Variants in ATP9B observed in about 807,000 individuals in gnomAD.
The protein encoded by ATP9B is ATPase phospholipid transporting 9B.
A neutral mutation model predicts 146.1 loss-of-function variants in ATP9B; 110 were observed. The ratio of observed to expected loss-of-function variants is 0.75; its 90% CI spans 0.65 to 0.88. ATP9B has a LOEUF of 0.88. Ranked by LOEUF, ATP9B falls within the 40% of genes least tolerant of loss-of-function variation. The probability of loss-of-function intolerance (pLI) is 0.00; values close to 1 mark genes in which losing one functional copy is unlikely to be tolerated. For missense variants in ATP9B, 1,499 were observed against 1,496.4 expected (o/e 1.00, Z -0.03); for synonymous variants, 604 against 569.7 (o/e 1.06, Z -0.86).
chr18:79,113,343 T>G lies in ATP9B; in HGVS notation c.547T>G (p.Trp183Gly), dbSNP rs1049571360. 7.2e-6 allele frequency: 11 copies of G among 1,533,596 alleles called. No individual in the cohort carries two copies. Among genetic ancestry groups the G allele is most frequent in the Non-Finnish European group, 7.2e-6 (8 of 1,115,250 alleles). The allele number at this position is 1,533,596 out of a possible 1,614,324, so 95.0% of individuals were successfully genotyped here. A position where few individuals can be genotyped will look rare whatever the true frequency, so the allele number is the denominator to read the frequency against. The change falls in exon 4 of 30, where the codon TGG becomes GGG. Residue 183 changes from tryptophan (W) to glycine (G), a missense_variant. Coordinates refer to ENST00000426216, the MANE Select transcript of ATP9B (RefSeq NM_198531.5). ...GAAAATAGGCTATCTCTACACCTAC[T>G]GGGCTCCTCTGGTAAGAAAAGACTT... ...ALKIGYLYTY[W>G]APLGFVLAVT... is the part of the protein sequence containing the mutation.
At chr18:79,076,351 A>AT (rs1568365723) in intron 1 of ATP9B, among the ~76,000 whole-genome samples, 1 of 152,150 alleles carries the variant, frequency 6.6e-6, no homozygotes, top group Non-Finnish European at 1.5e-5. Flanking sequence ...CTGGAAACAA[A>AT]TTCTCTTTGT....
chr18:79,346,903 G>A (rs1260454908), intron 23 of ATP9B, among the ~76,000 whole-genome samples: 7 of 152,230 alleles, frequency 4.6e-5, no homozygotes, highest in Admixed American at 3.3e-4. Context: ...GGAATTGGTC[G>A]GAGTCCCCCG....
chr18:79,354,968 A>G (rs2096942921), intron 25 of ATP9B, among the ~76,000 whole-genome samples: 1 of 152,194 alleles, frequency 6.6e-6, no homozygotes, highest in Non-Finnish European at 1.5e-5. Context: ...CCCCTCCCCA[A>G]AAAGGCAAGT....
At chr18:79,330,765 C>T (rs1471198457) in intron 17 of ATP9B, among the ~76,000 whole-genome samples, 1 of 151,990 alleles carries the variant, frequency 6.6e-6, no homozygotes, top group Non-Finnish European at 1.5e-5. Context: ...TGTGTGAGTG[C>T]GTGTCAATCT....
At chr18:79,143,723 G>A (rs1473145135) in intron 5 of ATP9B, 79 bp from the exon 6 acceptor site, 6 of 895,006 alleles carry the variant, frequency 6.7e-6, no homozygotes, top group Admixed American at 2.8e-5. Context: ...TATTTCTAAA[G>A]TAATTATTTT....
chr18:79,124,964 G>GC (rs962577068), intron 4 of ATP9B, among the ~76,000 whole-genome samples: 17 of 152,336 alleles, frequency 1.1e-4, no homozygotes, highest in African/African-American at 3.8e-4. Context: ...CAGAAAGACA[G>GC]CCAGGAGAAT....
chr18:79,142,269 C>T (rs1356806388), intron 5 of ATP9B, among the ~76,000 whole-genome samples: 1 of 152,018 alleles, frequency 6.6e-6, no homozygotes, highest in Non-Finnish European at 1.5e-5. Context: ...ACTCTCTTAC[C>T]GTGCTACAGA....
chr18:79,238,008 A>G (rs899046309), intron 11 of ATP9B, among the ~76,000 whole-genome samples: 2 of 152,042 alleles, frequency 1.3e-5, no homozygotes, highest in Non-Finnish European at 2.9e-5. Flanking sequence ...TTTTGATGCT[A>G]TTTCAATTAT....
intron 10 of ATP9B, among the ~76,000 whole-genome samples, chr18:79,208,213 C>G (rs974886490): frequency 1.2e-4 from 19 of 152,176 alleles, no homozygotes; most frequent in Non-Finnish European, 8.8e-5. Flanking sequence ...CCACTGCACT[C>G]TAGCCTGGGC....
At chr18:79,355,009 C>T (rs535329705) in intron 25 of ATP9B, among the ~76,000 whole-genome samples, 1 of 152,346 alleles carries the variant, frequency 6.6e-6, no homozygotes, top group Non-Finnish European at 1.5e-5. Flanking sequence ...TCACGAGATG[C>T]AGCGATGCAC....
chr18:79,366,192 C>A (rs1015085849), intron 26 of ATP9B, among the ~76,000 whole-genome samples: 4 of 152,150 alleles, frequency 2.6e-5, no homozygotes, highest in African/African-American at 9.7e-5. Flanking sequence ...AGAGGGTGAC[C>A]GGAGAGGCAT....
intron 11 of ATP9B, among the ~76,000 whole-genome samples, chr18:79,244,007 C>G (rs1357924271): frequency 6.6e-6 from 1 of 152,150 alleles, no homozygotes; most frequent in Non-Finnish European, 1.5e-5. Context: ...TAAAGATAAT[C>G]TAAGTTGGAA....
intron 6 of ATP9B, among the ~76,000 whole-genome samples, chr18:79,147,402 G>C (rs1214599491): frequency 1.3e-5 from 2 of 152,188 alleles, no homozygotes; most frequent in Non-Finnish European, 2.9e-5. Flanking sequence ...TTTATTTCAA[G>C]TGTCTATAGA....
At chr18:79,223,994 AT>A (rs533541432) in intron 11 of ATP9B, among the ~76,000 whole-genome samples, 197 of 152,302 alleles carry the variant, frequency 1.3e-3, no homozygotes, top group Non-Finnish European at 2.4e-3. Context: ...ATTGTAATTG[AT>A]TTCTATCACA....
chr18:79,331,863 A>C lies in ATP9B; in HGVS notation c.2028+1759A>C, dbSNP rs184513950. On this transcript the variant is annotated intron_variant, in intron 17 of 29. Transcript: ENST00000426216. Reference sequence around the variant, plus strand: ...TGAGGTGATTGGCTTCCTTCCCTCTAAACACAAACCTGAGTTGGGCCCTGG... The same window carrying C: ...TGAGGTGATTGGCTTCCTTCCCTCTCAACACAAACCTGAGTTGGGCCCTGG... Among the ~76,000 whole-genome samples, 29 of 152,304 alleles carry C rather than the reference A, an allele frequency of 1.9e-4. No individual in the cohort carries two copies. In the East Asian group the frequency reaches 5.4e-3, roughly 28 times the overall value.
At chr18:79,158,759 C>G (rs897098603) in intron 7 of ATP9B, among the ~76,000 whole-genome samples, 16 of 152,204 alleles carry the variant, frequency 1.1e-4, no homozygotes, top group African/African-American at 3.4e-4. Flanking sequence ...TCCTAACATA[C>G]TGGGTATCCT....
At chr18:79,248,444 A>G (rs2095990373) in intron 11 of ATP9B, among the ~76,000 whole-genome samples, 1 of 152,248 alleles carries the variant, frequency 6.6e-6, no homozygotes, top group South Asian at 2.1e-4. Context: ...GATACTTAAA[A>G]GAATATGCTT....
intron 9 of ATP9B, among the ~76,000 whole-genome samples, chr18:79,196,007 C>T (rs192684217): frequency 2.0e-5 from 3 of 152,294 alleles, no homozygotes; most frequent in Admixed American, 6.5e-5. Context: ...AACTCCAAGA[C>T]GTGTAACTGC....
intron 2 of ATP9B, among the ~76,000 whole-genome samples, chr18:79,109,813 G>C (rs979596625): frequency 3.9e-5 from 6 of 152,066 alleles, no homozygotes; most frequent in Non-Finnish European, 8.8e-5. Context: ...TGATCCGCCT[G>C]CCTCGGCCTC....
Sources: allele counts gnomAD v4.1 joint callset (sites outside exome capture counted in the v4.1 genomes callset), GRCh38; gene constraint gnomAD v4.1.1; transcripts MANE v1.5; gene names NCBI Gene and HGNC (gene_info 2026-07-23, HGNC 2026-07-21).